The following MEF2A variants were observed in gnomAD, a reference collection of about 807,000 sequenced individuals.
The protein encoded by MEF2A is myocyte enhancer factor 2A, also known as myocyte-specific enhancer factor 2A.
MEF2A carries 28 observed loss-of-function variants against 55.8 expected under a neutral mutation model. The ratio of observed to expected loss-of-function variants is 0.50; its 90% CI spans 0.37 to 0.69. MEF2A has a LOEUF of 0.69. Ranked by LOEUF, MEF2A falls within the 30% of genes least tolerant of loss-of-function variation. The pLI is 0.00. For missense variants in MEF2A, 528 were observed against 626.2 expected (o/e 0.84, Z 1.67); for synonymous variants, 239 against 227.1 (o/e 1.05, Z -0.47).
At chr15:99,688,418 T>C (rs1249635461) in intron 7 of MEF2A, among the ~76,000 whole-genome samples, 1 of 152,216 alleles carries the variant, frequency 6.6e-6, no homozygotes, top group Non-Finnish European at 1.5e-5. Flanking sequence ...CCTTTTTGTA[T>C]CAGCTTTTTC....
intron 2 of MEF2A, among the ~76,000 whole-genome samples, chr15:99,623,035 CTCA>C (rs1258118886): frequency 6.6e-6 from 1 of 152,158 alleles, no homozygotes; most frequent in African/African-American, 2.4e-5. Flanking sequence ...AAACTCTGTA[CTCA>C]TTACACAGTG....
At chr15:99,650,699 A>G (rs761159722) in intron 4 of MEF2A, among the ~76,000 whole-genome samples, 6 of 152,236 alleles carry the variant, frequency 3.9e-5, no homozygotes, top group Non-Finnish European at 8.8e-5. Context: ...TATAAGATCC[A>G]TCTATCAATT....
chr15:99,699,019 C>T (rs2056947608), intron 8 of MEF2A, among the ~76,000 whole-genome samples: 1 of 151,316 alleles, frequency 6.6e-6, no homozygotes, highest in Non-Finnish European at 1.5e-5. Context: ...GAGTTCAAGA[C>T]CAGCCTGGGC....
chr15:99,573,060 G>A (rs1028819453), intron 1 of MEF2A, among the ~76,000 whole-genome samples: 2 of 152,096 alleles, frequency 1.3e-5, no homozygotes, highest in East Asian at 1.9e-4. Flanking sequence ...AGGCCGAGGC[G>A]GGCGATTCAC....
intron 2 of MEF2A, among the ~76,000 whole-genome samples, chr15:99,607,651 G>A (rs192859973): frequency 5.3e-4 from 80 of 152,290 alleles, no homozygotes; most frequent in Non-Finnish European, 7.4e-5. Flanking sequence ...AAATGAGGGA[G>A]CATTAATTAT....
At position 99,629,310 on chromosome 15, in the gene MEF2A, A is replaced by G. The variant is rs140551561; in HGVS notation, c.-142-3668A>G. 4.9e-3 allele frequency among the ~76,000 whole-genome samples: 746 copies of G among 152,180 alleles called. 8 individuals are homozygous for G. The highest frequency in any genetic ancestry group is 0.017 in the African/African-American group (704 of 41,528). On this transcript the variant is annotated intron_variant, in intron 2 of 11. Transcript: ENST00000557942. ...CGAACAAAGGATTCTTAGCAAAGCA[A>G]TTTACTTCTGCACAGAGGGGTGCCT...
rs529193093 is a variant in MEF2A at position 99,595,754 on chromosome 15, C to T, written c.-224-2676C>T. Among the ~76,000 whole-genome samples the T allele has an allele frequency of 4.6e-5, 7 of 152,252 alleles. No individual in the cohort carries two copies. The South Asian group carries it at 6.2e-4, about 14-fold the overall frequency. On this transcript the variant is annotated intron_variant, in intron 1 of 11. Coordinates refer to ENST00000557942, the MANE Select transcript of MEF2A (RefSeq NM_001319206.4). Reference sequence around the variant, plus strand: ...GTGTACTGAAGATGGCGTCACAGAACGCGTCATTGAAGTGTACGTTTGATC... The same window carrying T: ...GTGTACTGAAGATGGCGTCACAGAATGCGTCATTGAAGTGTACGTTTGATC...
At chr15:99,625,623 G>T (rs549751724) in intron 2 of MEF2A, among the ~76,000 whole-genome samples, 3 of 152,176 alleles carry the variant, frequency 2.0e-5, no homozygotes, top group Admixed American at 2.0e-4. Context: ...TTTATATATA[G>T]TATTTATTAT....
At chr15:99,626,193 G>T (rs1444501247) in intron 2 of MEF2A, among the ~76,000 whole-genome samples, 2 of 152,068 alleles carry the variant, frequency 1.3e-5, no homozygotes, top group African/African-American at 4.8e-5. Flanking sequence ...AGTTCTAGAA[G>T]CCTTTTGTGT....
chr15:99,653,318 A>G (rs1300272502), intron 4 of MEF2A, among the ~76,000 whole-genome samples: 1 of 152,218 alleles, frequency 6.6e-6, no homozygotes, highest in African/African-American at 2.4e-5. Flanking sequence ...TTTCATATTT[A>G]TTTTGAAGTT....
intron 2 of MEF2A, among the ~76,000 whole-genome samples, chr15:99,618,104 CAT>C (rs1403564612): frequency 6.6e-6 from 1 of 152,130 alleles, no homozygotes; most frequent in African/African-American, 2.4e-5. Flanking sequence ...AGTTGTAAAA[CAT>C]ACTAATCTTT....
intron 2 of MEF2A, among the ~76,000 whole-genome samples, chr15:99,621,270 G>C (rs569739052): frequency 2.0e-5 from 3 of 152,230 alleles, no homozygotes; most frequent in African/African-American, 7.2e-5. Flanking sequence ...CTACAGTATT[G>C]TAGGGACAGG....
rs916833135 is a variant in MEF2A at position 99,575,721 on chromosome 15, T to C, written c.-225+9617T>C. Reference sequence around the variant, plus strand: ...CATTGATTACTCTTGCCTGAATCACTTACTACACAGAATTGCAAAATAGTG... The same window carrying C: ...CATTGATTACTCTTGCCTGAATCACCTACTACACAGAATTGCAAAATAGTG... On this transcript the variant is annotated intron_variant, in intron 1 of 11. Coordinates refer to ENST00000557942, the MANE Select transcript of MEF2A (RefSeq NM_001319206.4). Among the ~76,000 whole-genome samples the C allele has an allele frequency of 2.0e-5, 3 of 152,350 alleles. No homozygotes were observed. The South Asian group carries it at 6.2e-4, about 32-fold the overall frequency.
At chr15:99,606,253 A>G (rs1167306100) in intron 2 of MEF2A, among the ~76,000 whole-genome samples, 1 of 152,162 alleles carries the variant, frequency 6.6e-6, no homozygotes, top group African/African-American at 2.4e-5. Context: ...TTTAAGAATG[A>G]TTCGTATATT....
chr15:99,608,729 A>G (rs887843015), intron 2 of MEF2A, among the ~76,000 whole-genome samples: 43 of 152,196 alleles, frequency 2.8e-4, no homozygotes, highest in African/African-American at 9.2e-4. Context: ...GTGAAACCCC[A>G]TCTCTACTAA....
intron 4 of MEF2A, among the ~76,000 whole-genome samples, chr15:99,668,668 TC>T (rs2050261489): frequency 2.0e-5 from 3 of 151,936 alleles, no homozygotes; most frequent in Non-Finnish European, 2.9e-5. Flanking sequence ...CACTGTGTTT[TC>T]CTCATTGAGC....
upstream of MEF2A, chr15:99,565,664 T>G (rs1269216557): frequency 6.6e-6 from 1 of 152,368 alleles, no homozygotes; most frequent in Non-Finnish European, 1.5e-5. Flanking sequence ...CTTCTTCCTG[T>G]GCCAGGTGAT....
At chr15:99,626,262 TA>T (rs1293373747) in intron 2 of MEF2A, among the ~76,000 whole-genome samples, 1 of 152,158 alleles carries the variant, frequency 6.6e-6, no homozygotes, top group East Asian at 1.9e-4. Flanking sequence ...TAGCTGTTTA[TA>T]AGTACCCTCT....
chr15:99,625,748 T>C lies in MEF2A; in HGVS notation c.-142-7230T>C, dbSNP rs144181766. On this transcript the variant is annotated intron_variant, in intron 2 of 11. Coordinates refer to ENST00000557942, the MANE Select transcript of MEF2A (RefSeq NM_001319206.4). ...TTTAGATGATCATGTTTTTTTTCCC[T>C]CTTTATTCTCTTATGTGGTGTGTCA... is the stretch of plus-strand genomic sequence containing the variant. Among the ~76,000 whole-genome samples, 498 of 152,262 alleles carry C rather than the reference T, an allele frequency of 3.3e-3. 6 individuals are homozygous for C. The highest frequency in any genetic ancestry group is 0.011 in the African/African-American group (461 of 41,566).
Sources: allele counts gnomAD v4.1 joint callset (sites outside exome capture counted in the v4.1 genomes callset), GRCh38; gene constraint gnomAD v4.1.1; transcripts MANE v1.5; gene names NCBI Gene and HGNC (gene_info 2026-07-23, HGNC 2026-07-21).